Variants in SORCS1 observed in about 807,000 individuals in gnomAD.
SORCS1 encodes the protein sortilin related VPS10 domain containing receptor 1.
SORCS1 carries 60 observed loss-of-function variants against 146.1 expected under a neutral mutation model. The ratio of observed to expected loss-of-function variants is 0.41; its 90% confidence interval spans 0.33 to 0.51. The LOEUF is 0.51. Ranked by LOEUF, SORCS1 falls within the 20% of genes least tolerant of loss-of-function variation. The pLI is 0.21. For synonymous variants in SORCS1, 637 were observed against 584.0 expected, an observed-to-expected ratio of 1.09 and a Z score of -1.31; for missense variants, 1,352 against 1,487.6, an observed-to-expected ratio of 0.91 and a Z score of 1.50.
chr10:106,976,333 G>GTTTTTTTTTTGTTTTTTTTTTTTTTTTT (rs757120275), intron 1 of SORCS1, among the ~76,000 whole-genome samples: 1 of 113,814 alleles, frequency 8.8e-6, no homozygotes, highest in Non-Finnish European at 1.7e-5. Flanking sequence ...AGGTTTTTTT[G>GTTTTTTTTTTGTTTTTTTTTTTTTTTTT]TTTTTTTTTT....
At chr10:106,820,796 G>A (rs1028367538) in intron 3 of SORCS1, among the ~76,000 whole-genome samples, 18 of 152,110 alleles carry the variant, frequency 1.2e-4, no homozygotes, top group Non-Finnish European at 7.4e-5. Flanking sequence ...ACAAGATGAC[G>A]GAAACCCCTG....
chr10:107,106,915 G>A (rs1386596655), intron 1 of SORCS1, among the ~76,000 whole-genome samples: 4 of 152,164 alleles, frequency 2.6e-5, no homozygotes, highest in Non-Finnish European at 5.9e-5. Flanking sequence ...TTACGTACAA[G>A]GAAGCAGGCC....
chr10:106,579,804 G>A (rs992735973), intron 24 of SORCS1, among the ~76,000 whole-genome samples: 14 of 151,936 alleles, frequency 9.2e-5, no homozygotes, highest in African/African-American at 3.4e-4. Context: ...TAAAAATAAT[G>A]GTATATACTT....
intron 2 of SORCS1, among the ~76,000 whole-genome samples, chr10:106,885,548 A>C (rs1028875132): frequency 1.1e-4 from 17 of 149,548 alleles, no homozygotes; most frequent in African/African-American, 4.1e-4. Context: ...AAACGTGAAC[A>C]ACTAACAGGG....
In SORCS1 at chr10:106,652,516, C is replaced by T. The variant is rs370679881; in HGVS notation, c.2341G>A (p.Val781Ile). The T allele has an allele frequency of 2.9e-5, 46 of 1,614,006 alleles. No homozygotes were observed. The East Asian group carries it at 2.9e-4, about 10-fold the overall frequency. ...KVVSNNCTDG[V>I]REQYTAKPQK... ...GGTTTGGCAGTGTACTGTTCCCTTA[C>T]GCCATCAGTGCAATTATTGGAAACC... Residue 781 changes from valine (V) to isoleucine (I), a missense_variant, in exon 18 of 26, where the codon GTA (valine) becomes ATA (isoleucine). Coordinates refer to ENST00000263054, the MANE Select transcript of SORCS1 (RefSeq NM_052918.5).
chr10:106,861,984 T>C (rs768890343), intron 2 of SORCS1, among the ~76,000 whole-genome samples: 6 of 152,214 alleles, frequency 3.9e-5, no homozygotes, highest in Non-Finnish European at 7.3e-5. Flanking sequence ...ATTTTCAGTC[T>C]CATAAGATAC....
chr10:107,071,334 C>T (rs1381358308), intron 1 of SORCS1, among the ~76,000 whole-genome samples: 2 of 152,080 alleles, frequency 1.3e-5, no homozygotes, highest in Non-Finnish European at 2.9e-5. Context: ...GAAGCTTTTA[C>T]GGGCCAGGGC....
chr10:107,042,487 T>C (rs1214497206), intron 1 of SORCS1, among the ~76,000 whole-genome samples: 1 of 152,210 alleles, frequency 6.6e-6, no homozygotes, highest in Non-Finnish European at 1.5e-5. Context: ...TTTAAGGCCA[T>C]CCTACTTCCA....
intron 1 of SORCS1, among the ~76,000 whole-genome samples, chr10:107,107,009 G>T (rs1965354838): frequency 6.6e-6 from 1 of 152,158 alleles, no homozygotes; most frequent in Admixed American, 6.5e-5. Flanking sequence ...ATTTTTTGTT[G>T]TTTAAAAGCC....
chr10:106,982,650 C>G (rs186491715), intron 1 of SORCS1, among the ~76,000 whole-genome samples: 2 of 152,118 alleles, frequency 1.3e-5, no homozygotes, highest in African/African-American at 2.4e-5. Flanking sequence ...GTTTTTCTTA[C>G]GGATTTGACT....
intron 1 of SORCS1, among the ~76,000 whole-genome samples, chr10:107,038,433 T>C (rs1207316580): frequency 2.0e-5 from 3 of 151,562 alleles, no homozygotes; most frequent in Non-Finnish European, 4.4e-5. Context: ...GAGATATACC[T>C]AATGCTAAAT....
At chr10:106,937,533 C>CATAT (rs1158906100) in intron 2 of SORCS1, among the ~76,000 whole-genome samples, 1 of 152,090 alleles carries the variant, frequency 6.6e-6, no homozygotes, top group Admixed American at 6.5e-5. Context: ...TGCCTGCTGC[C>CATAT]ATATAAGACA....
At chr10:106,872,659 C>T (rs75167479) in intron 2 of SORCS1, among the ~76,000 whole-genome samples, 5,092 of 152,150 alleles carry the variant, frequency 0.033, 132 homozygotes, top group Non-Finnish European at 0.048. Context: ...ATAAGCTTTA[C>T]CAATATAAGC....
chr10:106,652,626 CAT>C (rs757049900), intron 17 of SORCS1, 73 bp from the exon 18 acceptor site: 5 of 1,548,736 alleles, frequency 3.2e-6, no homozygotes, highest in Non-Finnish European at 4.4e-6. Context: ...TAAAATTAGA[CAT>C]AGTGCCTAGC....
rs765460391 is a variant in SORCS1 at position 106,577,547 on chromosome 10, G to T, written c.3380C>A (p.Ala1127Asp). 11 of 1,610,478 alleles carry T rather than the reference G, an allele frequency of 6.8e-6. No homozygotes were observed. In the East Asian group the frequency reaches 2.0e-4, roughly 30 times the overall value. The change falls in exon 26 of 26, where the codon GCT (alanine) becomes GAT (aspartate). Residue 1127 changes from alanine (A) to aspartate (D), a missense_variant. This residue lies in a region of SORCS1 where 214 missense variants were observed against 204.8 expected (regional missense o/e 1.05). Transcript: ENST00000263054. ...FVIYKFKRRV[A>D]LPSPPSPSTQ... ...AGAAGGGGAGGGAGGGGAGGGTAAA[G>T]CTACTCTCCTAAGAGAAAACGTGTA...
chr10:107,142,042 AC>A (rs1208965913), intron 1 of SORCS1, among the ~76,000 whole-genome samples: 2 of 152,150 alleles, frequency 1.3e-5, no homozygotes, highest in East Asian at 3.8e-4. Flanking sequence ...AGATTGGGGC[AC>A]CTTGAATTAT....
At chr10:106,790,056 C>A (rs1004757969) in intron 3 of SORCS1, among the ~76,000 whole-genome samples, 1 of 152,174 alleles carries the variant, frequency 6.6e-6, no homozygotes, top group Admixed American at 6.5e-5. Context: ...TCCCCATGAT[C>A]CAGGTCTCTC....
At chr10:107,047,395 C>T (rs1246401436) in intron 1 of SORCS1, among the ~76,000 whole-genome samples, 1 of 152,160 alleles carries the variant, frequency 6.6e-6, no homozygotes, top group Non-Finnish European at 1.5e-5. Flanking sequence ...TTATGCAACC[C>T]TTTCCACTTT....
chr10:106,782,966 G>A (rs1242329452), intron 3 of SORCS1, among the ~76,000 whole-genome samples: 1 of 152,188 alleles, frequency 6.6e-6, no homozygotes, highest in Non-Finnish European at 1.5e-5. Flanking sequence ...AAAGAAGGGA[G>A]TGTGCTTAGT....
Sources: allele counts gnomAD v4.1 joint callset (sites outside exome capture counted in the v4.1 genomes callset), GRCh38; gene constraint gnomAD v4.1.1; regional missense constraint gnomAD v4.1.1; transcripts MANE v1.5; gene names NCBI Gene and HGNC (gene_info 2026-07-23, HGNC 2026-07-21).